The following PRIMA1 variants were observed in gnomAD, a reference collection of about 807,000 sequenced individuals.
PRIMA1 encodes the protein proline-rich membrane anchor 1.
In PRIMA1, 7 loss-of-function variants were observed where a neutral mutation model predicts 17.5. That is an observed-to-expected ratio of 0.40 (90% CI 0.23 to 0.75). The LOEUF (loss-of-function observed/expected upper bound fraction) is 0.75, where lower values mean the gene tolerates loss of function less well. Among genes scored for constraint, PRIMA1 ranks in the 30% least tolerant of loss-of-function variants. The pLI, the probability that PRIMA1 is intolerant of heterozygous loss-of-function variation, is 0.37. For missense variants in PRIMA1, 200 were observed against 201.8 expected, an observed-to-expected ratio of 0.99 and a Z score of 0.05; for synonymous variants, 97 against 77.9, an observed-to-expected ratio of 1.25 and a Z score of -1.29.
intron 2 of PRIMA1, among the ~76,000 whole-genome samples, chr14:93,787,078 C>A (rs1685499652): frequency 6.6e-6 from 1 of 152,144 alleles, no homozygotes; most frequent in Non-Finnish European, 1.5e-5. Flanking sequence ...AGAGGTAACT[C>A]CAGTTAGTGG....
At chr14:93,748,047 A>AGT (rs55972875) in intron 3 of PRIMA1, among the ~76,000 whole-genome samples, 122,498 of 150,396 alleles carry the variant, frequency 0.81, 50,472 homozygotes, top group Non-Finnish European at 0.87. Context: ...GGAGTGTGTG[A>AGT]GTGTGTGTAT....
intron 3 of PRIMA1, among the ~76,000 whole-genome samples, chr14:93,750,839 A>C (rs1357404611): frequency 2.6e-5 from 4 of 152,180 alleles, no homozygotes; most frequent in Non-Finnish European, 5.9e-5. Flanking sequence ...TGTCACACCA[A>C]GGCCTAGGTG....
In PRIMA1 at chr14:93,721,542, GT is replaced by G. The variant is rs1472378578; in HGVS notation, c.363del (p.Lys121AsnfsTer3). 6.2e-7 allele frequency: 1 copy of G among 1,611,600 alleles called. No homozygotes were observed. Among genetic ancestry groups the G allele is most frequent in the East Asian group, 2.2e-5 (1 of 44,872 alleles). The part of the protein sequence containing the change: ...VIICYKAIKR[K>X]PLRKDENGTS... ...GTGCCATTTTCGTCTTTTCTCAGTG[GT>G]TTCCTGGAAGTGGGGGGAGGGGACA... On this transcript the variant is annotated frameshift_variant, in exon 5 of 5. Coordinates refer to ENST00000393140, the MANE Select transcript of PRIMA1 (RefSeq NM_178013.4). LOFTEE classifies it high-confidence loss of function.
intron 3 of PRIMA1, among the ~76,000 whole-genome samples, chr14:93,766,090 C>T (rs929291362): frequency 1.3e-5 from 2 of 152,212 alleles, no homozygotes; most frequent in African/African-American, 4.8e-5. Flanking sequence ...AGCCAGGCCA[C>T]TTACACAAGG....
chr14:93,741,954 C>T (rs12887540), intron 3 of PRIMA1, among the ~76,000 whole-genome samples: 9,099 of 152,268 alleles, frequency 0.06, 399 homozygotes, highest in Middle Eastern at 0.14. Context: ...ACACTCCTGA[C>T]GCCTGTAAAG....
At position 93,720,310 on chromosome 14, in the gene PRIMA1, CCAT is replaced by C. The variant is rs2076029162; in HGVS notation, c.*1131_*1133del. On this transcript the variant is annotated 3_prime_UTR_variant, in exon 5 of 5. Transcript: ENST00000393140. ...CCTGGAGGACCCCTCTCCTCCTGTCCCATTTCATCCCTTGATCCTCCAACCACG... is the reference window on the plus strand; with the variant it reads ...CCTGGAGGACCCCTCTCCTCCTGTCCTTCATCCCTTGATCCTCCAACCACG... 1 of 152,266 alleles carries C rather than the reference CCAT, an allele frequency of 6.6e-6. No individual in the cohort carries two copies. Among genetic ancestry groups the C allele is most frequent in the East Asian group, 1.9e-4 (1 of 5,194 alleles). The allele number at this position is 152,266 out of a possible 1,614,324, so 9.4% of individuals were successfully genotyped here.
chr14:93,774,086 C>T (rs746851042), intron 3 of PRIMA1, among the ~76,000 whole-genome samples: 8 of 151,414 alleles, frequency 5.3e-5, no homozygotes, highest in Non-Finnish European at 8.8e-5. Context: ...AGAGAGACTC[C>T]GTCTCAAAAA....
At chr14:93,735,418 C>T (rs991874425) in intron 4 of PRIMA1, among the ~76,000 whole-genome samples, 4 of 152,168 alleles carry the variant, frequency 2.6e-5, no homozygotes, top group Admixed American at 1.3e-4. Flanking sequence ...TCCTCTGCTC[C>T]GCTGCTTAAA....
intron 3 of PRIMA1, among the ~76,000 whole-genome samples, chr14:93,744,084 C>T (rs2076201168): frequency 6.6e-6 from 1 of 152,222 alleles, no homozygotes; most frequent in Non-Finnish European, 1.5e-5. Flanking sequence ...GAGGCAGAAA[C>T]TGAGGATCAA....
intron 2 of PRIMA1, among the ~76,000 whole-genome samples, chr14:93,786,353 A>G (rs1349915247): frequency 6.6e-6 from 1 of 152,236 alleles, no homozygotes; most frequent in African/African-American, 2.4e-5. Context: ...GCCAGAGAAG[A>G]GAGCAGAAGA....
At chr14:93,761,649 GGA>G (rs1471587935) in intron 3 of PRIMA1, among the ~76,000 whole-genome samples, 1 of 152,142 alleles carries the variant, frequency 6.6e-6, no homozygotes, top group Non-Finnish European at 1.5e-5. Flanking sequence ...CCTTCTCTAT[GGA>G]AGGTAGGGCC....
chr14:93,728,790 C>T (rs1054425816), intron 4 of PRIMA1, among the ~76,000 whole-genome samples: 5 of 152,174 alleles, frequency 3.3e-5, no homozygotes, highest in South Asian at 2.1e-4. Context: ...TGACTGTCCA[C>T]GGTGCACGGA....
chr14:93,753,913 C>T lies in PRIMA1; in HGVS notation c.230-16543G>A, dbSNP rs922847805. Among the ~76,000 whole-genome samples, 5 of 152,228 alleles carry T rather than the reference C, an allele frequency of 3.3e-5. No individual in the cohort carries two copies. In the South Asian group the frequency reaches 6.2e-4, roughly 19 times the overall value. On this transcript the variant is annotated intron_variant, in intron 3 of 4. Transcript: ENST00000393140. ...CCCTTCATAACAGATGCTATGATGG[C>T]GATTTACACAGAGTCACGGGCACCG...
At chr14:93,771,133 TGCACGTATGTGTGTGTGTGC>T (rs1885050279) in intron 3 of PRIMA1, among the ~76,000 whole-genome samples, 1 of 145,982 alleles carries the variant, frequency 6.9e-6, no homozygotes, top group Non-Finnish European at 1.5e-5. Context: ...TGTGTGCATG[TGCACGTATGTGTGTGTGTGC>T]GCATGTATGT....
intron 3 of PRIMA1, among the ~76,000 whole-genome samples, chr14:93,777,359 C>T (rs184515009): frequency 1.6e-4 from 24 of 152,112 alleles, no homozygotes; most frequent in African/African-American, 4.6e-4. Context: ...TTTTTTGAGA[C>T]GGAGTCTCAC....
intron 4 of PRIMA1, among the ~76,000 whole-genome samples, chr14:93,724,132 G>A (rs373667233): frequency 5.3e-5 from 8 of 152,042 alleles, no homozygotes; most frequent in South Asian, 2.1e-4. Flanking sequence ...TGATCCTCCC[G>A]TCTCGGCCTC....
intron 3 of PRIMA1, among the ~76,000 whole-genome samples, chr14:93,763,627 G>A (rs12881866): frequency 0.033 from 4,972 of 152,296 alleles, 89 homozygotes; most frequent in Non-Finnish European, 0.052. Flanking sequence ...GGGAGGAGCG[G>A]GTAAGGGGCA....
intron 3 of PRIMA1, among the ~76,000 whole-genome samples, chr14:93,743,892 T>C (rs1316594829): frequency 6.6e-6 from 1 of 152,162 alleles, no homozygotes; most frequent in Non-Finnish European, 1.5e-5. Flanking sequence ...CGGGACTCGG[T>C]GCGCGCTGAA....
chr14:93,764,191 C>T (rs1343667543), intron 3 of PRIMA1, among the ~76,000 whole-genome samples: 1 of 152,034 alleles, frequency 6.6e-6, no homozygotes, highest in Non-Finnish European at 1.5e-5. Context: ...GGCCCGCCCT[C>T]ACCCCTCTGG....
Sources: allele counts gnomAD v4.1 joint callset (sites outside exome capture counted in the v4.1 genomes callset), GRCh38; gene constraint gnomAD v4.1.1; transcripts MANE v1.5; gene names NCBI Gene and HGNC (gene_info 2026-07-23, HGNC 2026-07-21).